Variants in CHD9 observed in about 807,000 individuals in gnomAD.
CHD9 encodes the protein chromodomain helicase DNA binding protein 9, also known as ATP-dependent chromatin remodeler CHD9.
CHD9 carries 77 observed loss-of-function variants against 316.1 expected under a neutral mutation model. The observed-to-expected ratio is 0.24, with a 90% CI of 0.20 to 0.29. CHD9 has a LOEUF of 0.29. CHD9 is among the 10% of genes least tolerant of loss of function. CHD9 has a pLI of 1.00. For missense variants in CHD9, 2,763 were observed against 3,438.1 expected, an observed-to-expected ratio of 0.80 and a Z score of 4.91; for synonymous variants, 1,129 against 1,158.3, an observed-to-expected ratio of 0.97 and a Z score of 0.51.
chr16:53,238,890 C>T (rs1597585092), intron 12 of CHD9, among the ~76,000 whole-genome samples: 1 of 152,074 alleles, frequency 6.6e-6, no homozygotes, highest in African/African-American at 2.4e-5. Context: ...TTTTTAAATA[C>T]ACATTAGATT....
intron 20 of CHD9, among the ~76,000 whole-genome samples, chr16:53,265,382 G>A (rs1431659261): frequency 1.3e-5 from 2 of 152,068 alleles, no homozygotes; most frequent in Non-Finnish European, 2.9e-5. Flanking sequence ...CAGCCTGAGT[G>A]ACATCAAGAA....
At chr16:53,077,485 A>G (rs1354697951) in intron 1 of CHD9, among the ~76,000 whole-genome samples, 5 of 151,362 alleles carry the variant, frequency 3.3e-5, no homozygotes, top group African/African-American at 1.2e-4. Flanking sequence ...CACCACGCCC[A>G]GTTAATTTTG....
intron 16 of CHD9, among the ~76,000 whole-genome samples, chr16:53,248,640 C>T (rs1318468614): frequency 6.6e-6 from 1 of 150,632 alleles, no homozygotes; most frequent in African/African-American, 2.4e-5. Context: ...ATCCTCCCAC[C>T]TCAGCCTCCC....
intron 30 of CHD9, among the ~76,000 whole-genome samples, chr16:53,300,825 G>A (rs537621575): frequency 2.0e-5 from 3 of 152,286 alleles, no homozygotes; most frequent in East Asian, 1.9e-4. Context: ...CACATCTCAG[G>A]CCAGATGCGG....
intron 19 of CHD9, among the ~76,000 whole-genome samples, chr16:53,259,805 A>C (rs551080507): frequency 6.6e-6 from 1 of 152,296 alleles, no homozygotes; most frequent in South Asian, 2.1e-4. Flanking sequence ...ATGAGCCACT[A>C]TGCCCAGCCT....
At chr16:53,152,579 AGTTTTTC>A (rs1359371525) in intron 1 of CHD9, among the ~76,000 whole-genome samples, 1 of 152,164 alleles carries the variant, frequency 6.6e-6, no homozygotes, top group East Asian at 1.9e-4. Context: ...TAAGGATTTC[AGTTTTTC>A]ATGTGAGTGA....
chr16:53,083,532 T>C (rs966042383), intron 1 of CHD9, among the ~76,000 whole-genome samples: 7 of 152,188 alleles, frequency 4.6e-5, no homozygotes, highest in African/African-American at 1.7e-4. Context: ...TCTACTTATC[T>C]TTATTATGGA....
At chr16:53,208,253 T>A in intron 2 of CHD9, 1 of 1,218,524 alleles carries the variant, frequency 8.2e-7, no homozygotes, top group Non-Finnish European at 1.0e-6. Context: ...CTTTCAATGC[T>A]TTTTTCTTGA....
In CHD9 at chr16:53,079,801, G is replaced by T. The variant is rs146424756; in HGVS notation, c.-165+24724G>T. Among the ~76,000 whole-genome samples, 800 of 152,338 alleles carry T rather than the reference G, an allele frequency of 5.3e-3. 8 individuals carry two copies. Among genetic ancestry groups the T allele is most frequent in the Admixed American group, 8.9e-3 (136 of 15,302 alleles). On this transcript the variant is annotated intron_variant, in intron 1 of 38. Coordinates refer to ENST00000447540, the MANE Select transcript of CHD9 (RefSeq NM_001308319.2). ...GTGAACACTTGGAAGAACTAGGAAG[G>T]TGGTGCTCCCAGAGAGAGCATGGAA...
chr16:53,288,342 T>C (rs947876781), intron 27 of CHD9, among the ~76,000 whole-genome samples: 1 of 152,178 alleles, frequency 6.6e-6, no homozygotes, highest in Non-Finnish European at 1.5e-5. Context: ...ACTAAAGATA[T>C]ACTGCAAGAG....
intron 1 of CHD9, among the ~76,000 whole-genome samples, chr16:53,108,658 T>A (rs2037572625): frequency 6.6e-6 from 1 of 152,052 alleles, no homozygotes; most frequent in Non-Finnish European, 1.5e-5. Flanking sequence ...GCAGATCACC[T>A]GAGATCAGGA....
chr16:53,297,278 G>C (rs1432550851), intron 30 of CHD9, 120 bp downstream of exon 30: 1 of 698,390 alleles, frequency 1.4e-6, no homozygotes, highest in Non-Finnish European at 2.4e-6. Context: ...CAACTTGTCA[G>C]TAATTTTTTA....
intron 1 of CHD9, among the ~76,000 whole-genome samples, chr16:53,094,722 C>G (rs2036239432): frequency 6.6e-6 from 1 of 151,420 alleles, no homozygotes. Context: ...TCACTGAAAC[C>G]TCTGCCTCCC....
intron 1 of CHD9, among the ~76,000 whole-genome samples, chr16:53,122,976 C>G (rs1415121246): frequency 6.6e-6 from 1 of 151,592 alleles, no homozygotes; most frequent in Non-Finnish European, 1.5e-5. Flanking sequence ...CTCGGCCTCC[C>G]AAAGTGCTGG....
chr16:53,280,602 A>G (rs996184927), intron 24 of CHD9, among the ~76,000 whole-genome samples: 1 of 152,000 alleles, frequency 6.6e-6, no homozygotes, highest in African/African-American at 2.4e-5. Context: ...GTGCACCAAA[A>G]TCTCACAAAT....
intron 5 of CHD9, 92 bp downstream of exon 5, chr16:53,226,604 T>A: frequency 7.3e-7 from 1 of 1,368,670 alleles, no homozygotes; most frequent in Non-Finnish European, 1.0e-6. Context: ...AAAATTGCTC[T>A]AACTTATCCT....
At chr16:53,309,799 C>G (rs1371697231) in intron 34 of CHD9, among the ~76,000 whole-genome samples, 1 of 151,984 alleles carries the variant, frequency 6.6e-6, no homozygotes. Flanking sequence ...TTTAATTTAT[C>G]TGTGTTCCTC....
intron 1 of CHD9, among the ~76,000 whole-genome samples, chr16:53,147,325 A>G (rs2040713641): frequency 6.6e-6 from 1 of 152,212 alleles, no homozygotes; most frequent in South Asian, 2.1e-4. Context: ...GGAAGAACGT[A>G]TATTCCTGAC....
intron 33 of CHD9, among the ~76,000 whole-genome samples, chr16:53,308,333 ATTAC>A (rs2056169492): frequency 6.6e-6 from 1 of 152,174 alleles, no homozygotes; most frequent in Non-Finnish European, 1.5e-5. Flanking sequence ...AGCTTAACTT[ATTAC>A]TTAGTGTCTA....
Sources: allele counts gnomAD v4.1 joint callset (sites outside exome capture counted in the v4.1 genomes callset), GRCh38; gene constraint gnomAD v4.1.1; transcripts MANE v1.5; gene names NCBI Gene and HGNC (gene_info 2026-07-23, HGNC 2026-07-21).